SCN10A: variants seen among roughly 807,000 people sequenced by gnomAD.
The protein encoded by SCN10A is sodium channel protein type 10 subunit alpha.
SCN10A carries 162 observed loss-of-function variants against 170.7 expected under a neutral mutation model. The observed-to-expected ratio is 0.95, with a 90% CI of 0.84 to 1.08. The LOEUF is 1.08. Among genes scored for constraint, SCN10A ranks in the 50% least tolerant of loss-of-function variants. The pLI, the probability that SCN10A is intolerant of heterozygous loss-of-function variation, is 0.00. For synonymous variants in SCN10A, 985 were observed against 904.6 expected (o/e 1.09, Z -1.59); for missense variants, 2,527 against 2,436.9 (o/e 1.04, Z -0.78).
chr3:38,726,548 C>A (rs981487395), intron 17 of SCN10A, 58 bp downstream of exon 17: 7 of 1,404,360 alleles, frequency 5.0e-6, no homozygotes, highest in Non-Finnish European at 6.8e-6. Context: ...CCCTTTGTCA[C>A]TCAAGCCCTG....
chr3:38,706,268 T>C (rs895892262), intron 26 of SCN10A, among the ~76,000 whole-genome samples: 6 of 152,252 alleles, frequency 3.9e-5, no homozygotes, highest in Admixed American at 3.9e-4. Context: ...AAAAATCTAA[T>C]AGCTTGGCTA....
intron 8 of SCN10A, 37 bp downstream of exon 8, chr3:38,760,644 T>C (rs754123422): frequency 6.6e-7 from 1 of 1,515,142 alleles, no homozygotes; most frequent in Non-Finnish European, 9.2e-7. Context: ...GAAGGAATTG[T>C]TGGGCACTCG....
intron 15 of SCN10A, among the ~76,000 whole-genome samples, chr3:38,734,010 G>A (rs115945867): frequency 0.013 from 1,996 of 150,910 alleles, 45 homozygotes; most frequent in African/African-American, 0.045. Context: ...ATTAACCACT[G>A]CCCCTGGCCT....
intron 15 of SCN10A, among the ~76,000 whole-genome samples, chr3:38,735,937 G>T (rs1026203954): frequency 6.6e-6 from 1 of 152,138 alleles, no homozygotes; most frequent in African/African-American, 2.4e-5. Flanking sequence ...AGAAACTCTG[G>T]TTTTTGCCTC....
At chr3:38,765,635 T>C (rs1371943420) in intron 5 of SCN10A, among the ~76,000 whole-genome samples, 3 of 152,180 alleles carry the variant, frequency 2.0e-5, no homozygotes, top group Admixed American at 6.5e-5. Context: ...TGTAGTATAG[T>C]TTGAAATCAG....
rs745954161 is a variant in SCN10A, at chr3:38,697,537, C to A, written c.5683G>T (p.Val1895Phe). 8 of 1,614,174 alleles carry A rather than the reference C, an allele frequency of 5.0e-6. No individual in the cohort carries two copies. Among genetic ancestry groups the A allele is most frequent in the Non-Finnish European group, 5.1e-6 (6 of 1,180,026 alleles). ...CAATTTTCATTTGCTGTGAATGCAA[C>A]AAAACCTTCATCTGGGAGTGATGCA... is the stretch of plus-strand genomic sequence containing the variant. ...EAASLPDEGF[V>F]AFTANENCVL... is the part of the protein sequence containing the mutation. Residue 1895 changes from valine (V) to phenylalanine (F), a missense_variant, in exon 28 of 28, where the codon GTT (valine) becomes TTT (phenylalanine). Physicochemically the swap from Val to Phe is conservative, Grantham distance 50 (BLOSUM62 -1). Transcript: ENST00000449082.
chr3:38,745,138 A>G (rs1181704682), intron 13 of SCN10A, among the ~76,000 whole-genome samples: 1 of 152,248 alleles, frequency 6.6e-6, no homozygotes, highest in Non-Finnish European at 1.5e-5. Context: ...ATGGGAAAAG[A>G]GAGGCATCTT....
rs199704443 is a variant in SCN10A at position 38,763,631 on chromosome 3, G to C, written c.600-35C>G. 2.6e-6 allele frequency: 4 copies of C among 1,517,838 alleles called. No homozygotes were observed. In the East Asian group the frequency reaches 9.0e-5, roughly 34 times the overall value. The allele number at this position is 1,517,838 out of a possible 1,614,324, so 94.0% of individuals were successfully genotyped here. A position where few individuals can be genotyped will look rare whatever the true frequency, so the allele number is the denominator to read the frequency against. ...CAGAAGTTAGTCAGCATCTCTGCAA[G>C]CAAGGGTCCTGGGGATGCATGCAGC... is the stretch of plus-strand genomic sequence containing the variant. On this transcript the variant is annotated intron_variant, in intron 5 of 27. Transcript: ENST00000449082.
chr3:38,790,922 G>A (rs1277318148), intron 3 of SCN10A, among the ~76,000 whole-genome samples: 5 of 152,118 alleles, frequency 3.3e-5, no homozygotes, highest in African/African-American at 4.8e-5. Context: ...CTCAGAAAAC[G>A]TAATTCTTGC....
At position 38,768,913 on chromosome 3, in the gene SCN10A, A is replaced by G. The variant is rs188102848; in HGVS notation, c.599+2366T>C. 3.3e-3 allele frequency among the ~76,000 whole-genome samples: 510 copies of G among 152,286 alleles called. 1 individual carries two copies. Among genetic ancestry groups the G allele is most frequent in the Non-Finnish European group, 6.0e-3 (408 of 68,020 alleles). On this transcript the variant is annotated intron_variant, in intron 5 of 27. Coordinates refer to ENST00000449082, the MANE Select transcript of SCN10A (RefSeq NM_006514.4). ...TTATTCTTAGGTTTGGTTGTTTCAC[A>G]TGATTCCAAATTTATTGGCCGATTT...
Position 38,761,205 on chromosome 3 carries a change from T to A in SCN10A, c.870A>T (p.Ser290=). The change falls in exon 7 of 28, where the codon TCA becomes TCT. Residue 290 remains serine (S), a synonymous_variant. Coordinates refer to ENST00000449082, the MANE Select transcript of SCN10A (RefSeq NM_006514.4). The stretch of plus-strand genomic sequence containing the variant: ...GACTCCACTCACGTTTTCTGTGAGA[T>A]GAGTAGTTGGTTGTCTCATTGACAG... ...DMAVNETTNY[S]SHRKPDIYIN... 6.2e-7 allele frequency: 1 copy of A among 1,605,920 alleles called. No individual in the cohort carries two copies. The highest frequency in any genetic ancestry group is 2.2e-5 in the East Asian group (1 of 44,870).
chr3:38,771,527 T>C (rs1320269905), intron 4 of SCN10A, 120 bp from the exon 5 acceptor site: 14 of 979,860 alleles, frequency 1.4e-5, no homozygotes, highest in Non-Finnish European at 2.1e-5. Context: ...ATGCAAAGAA[T>C]ATCACCAAGG....
intron 15 of SCN10A, among the ~76,000 whole-genome samples, chr3:38,731,495 ACT>A (rs2063512870): frequency 6.6e-6 from 1 of 152,202 alleles, no homozygotes; most frequent in Admixed American, 6.5e-5. Context: ...AAAATCTGAA[ACT>A]CAAACTGTGT....
intron 15 of SCN10A, among the ~76,000 whole-genome samples, chr3:38,734,476 T>C (rs183615396): frequency 6.6e-6 from 1 of 152,334 alleles, no homozygotes; most frequent in East Asian, 1.9e-4. Flanking sequence ...AATCTTCCAA[T>C]GTATTAAAAA....
chr3:38,802,460 T>C (rs573693047), intron 1 of SCN10A, among the ~76,000 whole-genome samples: 73 of 152,304 alleles, frequency 4.8e-4, no homozygotes, highest in Middle Eastern at 3.4e-3. Context: ...ACTGTTTCCT[T>C]AGCCTTCTCC....
At position 38,760,670 on chromosome 3, in the gene SCN10A, T is replaced by C; in HGVS notation, c.950+11A>G. On this transcript the variant is annotated intron_variant, in intron 8 of 27. Transcript: ENST00000449082. ...TGGGCACTCGTGCTTTGTCATAAGT[T>C]GGGAACTCACCCTGAGTCAGATCCA... 1 of 1,610,984 alleles carries C rather than the reference T, an allele frequency of 6.2e-7. No homozygotes were observed. Among genetic ancestry groups the C allele is most frequent in the Non-Finnish European group, 8.5e-7 (1 of 1,177,098 alleles).
chr3:38,700,376 C>G (rs561969220), intron 27 of SCN10A, among the ~76,000 whole-genome samples: 5 of 152,250 alleles, frequency 3.3e-5, no homozygotes, highest in African/African-American at 9.6e-5. Flanking sequence ...ATAGCATAGT[C>G]CCTATAGTTA....
chr3:38,722,633 T>C (rs1048990458), intron 19 of SCN10A, among the ~76,000 whole-genome samples: 1 of 152,126 alleles, frequency 6.6e-6, no homozygotes, highest in Non-Finnish European at 1.5e-5. Flanking sequence ...CACTCTGATG[T>C]TTTTCCTAGC....
intron 14 of SCN10A, among the ~76,000 whole-genome samples, chr3:38,741,674 T>C (rs2063634149): frequency 6.6e-6 from 1 of 152,178 alleles, no homozygotes; most frequent in Non-Finnish European, 1.5e-5. Context: ...GAGTAAATAA[T>C]ACTAACAAGT....
Sources: allele counts gnomAD v4.1 joint callset (sites outside exome capture counted in the v4.1 genomes callset), GRCh38; gene constraint gnomAD v4.1.1; transcripts MANE v1.5; gene names NCBI Gene and HGNC (gene_info 2026-07-23, HGNC 2026-07-21).